Variants in SDK2 observed in about 807,000 individuals in gnomAD.
SDK2 encodes the protein sidekick cell adhesion molecule 2, also known as protein sidekick-2.
SDK2 carries 105 observed loss-of-function variants against 253.9 expected under a neutral mutation model. The observed-to-expected ratio is 0.41, with a 90% confidence interval of 0.35 to 0.49. The LOEUF (loss-of-function observed/expected upper bound fraction) is 0.49. SDK2 is among the 20% of genes least tolerant of loss of function. The probability of loss-of-function intolerance (pLI) is 0.06; values close to 1 mark genes in which losing one functional copy is unlikely to be tolerated. For missense variants in SDK2, 2,608 were observed against 3,003.0 expected, an observed-to-expected ratio of 0.87 and a Z score of 3.07; for synonymous variants, 1,249 against 1,234.9, an observed-to-expected ratio of 1.01 and a Z score of -0.24.
intron 4 of SDK2, among the ~76,000 whole-genome samples, chr17:73,452,392 G>A (rs1307984428): frequency 6.6e-6 from 1 of 152,074 alleles, no homozygotes; most frequent in Non-Finnish European, 1.5e-5. Context: ...TGCTGTAATT[G>A]CCAGGATAAA....
At position 73,419,231 on chromosome 17, in the gene SDK2, G is replaced by C. The variant is rs867396426; in HGVS notation, c.2121C>G (p.Ile707Met). 1 of 1,612,954 alleles carries C rather than the reference G, an allele frequency of 6.2e-7. No individual in the cohort carries two copies. The highest frequency in any genetic ancestry group is 8.5e-7 in the Non-Finnish European group (1 of 1,179,614). The change falls in exon 16 of 45, where the codon ATC becomes ATG. Residue 707 changes from isoleucine to methionine, a missense_variant. By Grantham distance (10) the Ile-to-Met change is conservative. This residue lies in a region of SDK2 where 1,505 missense variants were observed against 1,859.1 expected (regional missense o/e 0.81). Coordinates refer to ENST00000392650, the MANE Select transcript of SDK2 (RefSeq NM_001144952.2). ...CAGGAGGCGGCTGCCACTGGATCAT[G>C]ATGGACTGGTTGGTTCGACCGCTGG... ...VIASGRTNQS[I>M]MIQWQPPPES...
intron 1 of SDK2, among the ~76,000 whole-genome samples, chr17:73,625,015 T>G (rs1181265431): frequency 1.3e-5 from 2 of 152,194 alleles, no homozygotes; most frequent in African/African-American, 4.8e-5. Context: ...ACTGCCCCAT[T>G]TGATAGACGA....
intron 18 of SDK2, among the ~76,000 whole-genome samples, chr17:73,402,956 C>G (rs897973282): frequency 1.3e-5 from 2 of 152,052 alleles, no homozygotes; most frequent in Non-Finnish European, 2.9e-5. Flanking sequence ...CACCACCATG[C>G]CCGGCTAATT....
intron 2 of SDK2, among the ~76,000 whole-genome samples, chr17:73,484,301 G>T (rs1380341489): frequency 2.0e-5 from 3 of 152,224 alleles, no homozygotes; most frequent in African/African-American, 7.2e-5. Flanking sequence ...CAAGGGGCTG[G>T]GGCTCTGTGG....
rs1037243976 is a variant in SDK2, at chr17:73,455,515, G to A, written c.479+391C>T. 1.3e-5 allele frequency among the ~76,000 whole-genome samples: 2 copies of A among 152,148 alleles called. No homozygotes were observed. The highest frequency in any genetic ancestry group is 2.4e-5 in the African/African-American group (1 of 41,424). ...CCAACGGACGCGCCCAGGGCCTCCC[G>A]GCTGCCCAGGAGACGCCAGCCTCTC... On this transcript the variant is annotated intron_variant, in intron 4 of 44. Coordinates refer to ENST00000392650, the MANE Select transcript of SDK2 (RefSeq NM_001144952.2). This position sits in a 1 kb window ranked among gnomAD's most constrained non-coding sequence, Gnocchi z 5.0.
In SDK2 at chr17:73,507,594, T is replaced by C. The variant is rs1315232318; in HGVS notation, c.68A>G (p.Asp23Gly). The C allele has an allele frequency of 1.3e-6, 2 of 1,551,092 alleles. No individual in the cohort carries two copies. The highest frequency in any genetic ancestry group is 2.4e-5 in the South Asian group (2 of 84,006). ...CTCTGTCTTGAAATACGGGGACACATCATCTGCAGAAACAGGGAGACAAAG... is the reference window on the plus strand; with the variant it reads ...CTCTGTCTTGAAATACGGGGACACACCATCTGCAGAAACAGGGAGACAAAG... ...HQIRAARAQDDVSPYFKTEPV... is the reference protein window; with the variant it reads ...HQIRAARAQDGVSPYFKTEPV... Residue 23 changes from aspartate (D) to glycine (G), a missense_variant, in exon 2 of 45, where the codon GAT becomes GGT. Transcript: ENST00000392650.
chr17:73,588,031 G>A (rs959246187), intron 1 of SDK2, among the ~76,000 whole-genome samples: 10 of 152,218 alleles, frequency 6.6e-5, no homozygotes, highest in Admixed American at 5.9e-4. Context: ...GAGGGGAGGA[G>A]GGAGTCCCAG....
At chr17:73,507,350 TCA>T in intron 2 of SDK2, 86 bp downstream of exon 2, 1 of 1,386,198 alleles carries the variant, frequency 7.2e-7, no homozygotes. Context: ...CCCCACACTG[TCA>T]CACAAACCCC....
intron 2 of SDK2, among the ~76,000 whole-genome samples, chr17:73,484,609 C>T (rs543529796): frequency 3.5e-4 from 53 of 152,330 alleles, no homozygotes; most frequent in African/African-American, 1.1e-3. Context: ...TGCCTTAAAA[C>T]GACAGAAATT....
rs1256109469 is a variant in SDK2, at chr17:73,361,380, C to G, written c.5467+304G>C. ...GAAGTAAAGGAGGCCATGCAATTAG[C>G]AGGGAGAGAAAGAACGAAGCAGGCG... On this transcript the variant is annotated intron_variant, in intron 39 of 44. Transcript: ENST00000392650. The surrounding 1 kb of genome is among the most constrained non-coding windows in gnomAD (Gnocchi z 4.1). Among the ~76,000 whole-genome samples the G allele has an allele frequency of 6.6e-6, 1 of 152,182 alleles. No homozygotes were observed.
At chr17:73,619,201 C>A (rs1243000743) in intron 1 of SDK2, among the ~76,000 whole-genome samples, 3 of 151,624 alleles carry the variant, frequency 2.0e-5, no homozygotes, top group Admixed American at 2.0e-4. Context: ...CTAGGAGGCC[C>A]TGGGGAGTGA....
rs748387140 is a variant in SDK2 at position 73,350,689 on chromosome 17, G to A, written c.5860C>T (p.Arg1954Trp). The A allele has an allele frequency of 6.3e-5, 101 of 1,613,372 alleles. 1 individual carries two copies. The highest frequency in any genetic ancestry group is 3.3e-4 in the Middle Eastern group (2 of 6,076). Reference sequence around the variant, plus strand: ...TTGGCGTACTTCTTGCTCTGGCCCCGGATGATGAGCACGAAGACCAGAAGC... The same window carrying A: ...TTGGCGTACTTCTTGCTCTGGCCCCAGATGATGAGCACGAAGACCAGAAGC... The part of the protein sequence containing the change: ...ILLLVFVLII[R>W]GQSKKYAKKT... Residue 1954 changes from arginine (R) to tryptophan (W), a missense_variant, in exon 42 of 45, where the codon CGG becomes TGG. Physicochemically the swap from Arg to Trp is moderately radical, Grantham distance 101 (BLOSUM62 -3). This residue lies in a region of SDK2 where 1,103 missense variants were observed against 1,143.9 expected (regional missense o/e 0.96). Transcript: ENST00000392650.
intron 11 of SDK2, among the ~76,000 whole-genome samples, chr17:73,430,861 G>C (rs1401907993): frequency 6.6e-6 from 1 of 152,220 alleles, no homozygotes; most frequent in African/African-American, 2.4e-5. Context: ...CAGTGGTCCA[G>C]CCAGGGTAAA....
At chr17:73,387,405 T>C (rs1476140601) in intron 30 of SDK2, among the ~76,000 whole-genome samples, 1 of 152,154 alleles carries the variant, frequency 6.6e-6, no homozygotes, top group Non-Finnish European at 1.5e-5. Flanking sequence ...GAAGAAAGTA[T>C]TGCTCAAAAC....
chr17:73,587,977 A>G (rs1173992779), intron 1 of SDK2, among the ~76,000 whole-genome samples: 5 of 152,126 alleles, frequency 3.3e-5, no homozygotes, highest in Non-Finnish European at 1.5e-5. Flanking sequence ...CCATCTCTAA[A>G]GCCCACCATG....
rs190141096 is a variant in SDK2, at chr17:73,518,406, A to C, written c.65-10809T>G. On this transcript the variant is annotated intron_variant, in intron 1 of 44. Transcript: ENST00000392650. ...ATGGAAAGGGGTAAGTGCTTCAACC[A>C]GTGCCTGGCACAGAGAAAGAGCCCT... 2.0e-5 allele frequency: 3 copies of C among 152,248 alleles called. No homozygotes were observed. The East Asian group carries it at 5.8e-4, about 29-fold the overall frequency. 9.4% of individuals were successfully genotyped at this position (152,248 alleles called of 1,614,324 possible). A position where few individuals can be genotyped will look rare whatever the true frequency, so the allele number is the denominator to read the frequency against.
At chr17:73,418,806 C>T (rs911570965) in intron 16 of SDK2, among the ~76,000 whole-genome samples, 1 of 152,176 alleles carries the variant, frequency 6.6e-6, no homozygotes, top group South Asian at 2.1e-4. Flanking sequence ...CTGGTTTCTC[C>T]ACTCACGGGT....
At chr17:73,486,994 C>T (rs375070695) in intron 2 of SDK2, among the ~76,000 whole-genome samples, 47 of 152,234 alleles carry the variant, frequency 3.1e-4, no homozygotes, top group African/African-American at 7.7e-4. Flanking sequence ...AGTGCAATGG[C>T]GCAATCTCGG....
rs16977670 is a variant in SDK2 at position 73,529,379 on chromosome 17, C to T, written c.65-21782G>A. ...TTCTCATCTGAAATGGAGCTAGCAC[C>T]GTCAATATGAAGAGTGGAATGATTA... On this transcript the variant is annotated intron_variant, in intron 1 of 44. Coordinates refer to ENST00000392650, the MANE Select transcript of SDK2 (RefSeq NM_001144952.2). 9.4e-3 allele frequency among the ~76,000 whole-genome samples: 1,434 copies of T among 152,100 alleles called. 15 individuals are homozygous for T. The highest frequency in any genetic ancestry group is 0.032 in the African/African-American group (1,347 of 41,498).
Sources: allele counts gnomAD v4.1 joint callset (sites outside exome capture counted in the v4.1 genomes callset), GRCh38; gene constraint gnomAD v4.1.1; regional missense constraint gnomAD v4.1.1; non-coding constraint Gnocchi (gnomAD v3.1); transcripts MANE v1.5; gene names NCBI Gene and HGNC (gene_info 2026-07-23, HGNC 2026-07-21).